Variants in ITPRID2 observed in about 807,000 individuals in gnomAD.
ITPRID2 encodes protein ITPRID2.
In ITPRID2, 60 loss-of-function variants were observed where a neutral mutation model predicts 124.3. That is an observed-to-expected ratio of 0.48 (90% CI 0.39 to 0.60). The LOEUF is 0.60. ITPRID2 is among the 20% of genes least tolerant of loss of function. ITPRID2 has a pLI of 0.00. For synonymous variants in ITPRID2, 521 were observed against 542.9 expected, an observed-to-expected ratio of 0.96 and a Z score of 0.56; for missense variants, 1,553 against 1,512.2, an observed-to-expected ratio of 1.03 and a Z score of -0.45.
intron 8 of ITPRID2, among the ~76,000 whole-genome samples, chr2:181,903,375 TA>T (rs762112018): frequency 1.1e-4 from 17 of 152,226 alleles, no homozygotes; most frequent in Non-Finnish European, 2.5e-4. Context: ...TTGTCTTTTG[TA>T]ATTTATTACA....
chr2:181,892,203 C>T lies in ITPRID2; in HGVS notation c.137C>T (p.Ala46Val). ...ASETEDLSTE[A>V]TTQDEEEDEE... is the part of the protein sequence containing the mutation. ...GAGACGGAGGATCTGTCCACAGAAG[C>T]GACGACGCAGGACGAGGAGGAGGAC... is the stretch of plus-strand genomic sequence containing the variant. Residue 46 changes from alanine to valine, a missense_variant, in exon 1 of 18, where the codon GCG becomes GTG. By Grantham distance (64) the Ala-to-Val change is moderately conservative. Transcript: ENST00000431877. The surrounding 1 kb of genome is among the most constrained non-coding windows in gnomAD (Gnocchi z 5.2). 1.3e-6 allele frequency: 2 copies of T among 1,552,554 alleles called. No homozygotes were observed. Among genetic ancestry groups the T allele is most frequent in the Middle Eastern group, 1.7e-4 (1 of 5,878 alleles).
intron 9 of ITPRID2, among the ~76,000 whole-genome samples, chr2:181,913,059 GTATT>G (rs1030449462): frequency 6.6e-6 from 1 of 151,586 alleles, no homozygotes; most frequent in Admixed American, 6.6e-5. Context: ...GGCCTTAATT[GTATT>G]TATTTATTTA....
At chr2:181,909,377 A>G (rs1693418716) in intron 8 of ITPRID2, among the ~76,000 whole-genome samples, 1 of 152,094 alleles carries the variant, frequency 6.6e-6, no homozygotes, top group Non-Finnish European at 1.5e-5. Context: ...AATTACCTCA[A>G]CTGTGTGTTG....
intron 15 of ITPRID2, 26 bp from the exon 16 acceptor site, chr2:181,921,922 G>T: frequency 1.3e-6 from 2 of 1,588,958 alleles, no homozygotes; most frequent in Non-Finnish European, 1.7e-6. Flanking sequence ...CAAGAGAGAA[G>T]AATAACATTT....
Position 181,922,333 on chromosome 2 carries a change from G to GA in ITPRID2, c.3600dup (p.Leu1201ThrfsTer8). ...AAATCTGAAGTGGAAGAAGGGCATG[G>GA]AAAACTCCCATCAATGCCAGCTGCT... On this transcript the variant is annotated frameshift_variant, in exon 16 of 18. Transcript: ENST00000431877. LOFTEE classifies it high-confidence loss of function. 1.2e-6 allele frequency: 2 copies of GA among 1,614,198 alleles called. No individual in the cohort carries two copies. The highest frequency in any genetic ancestry group is 1.7e-6 in the Non-Finnish European group (2 of 1,180,040).
chr2:181,901,669 T>C, intron 7 of ITPRID2, 97 bp from the exon 8 acceptor site: 2 of 846,224 alleles, frequency 2.4e-6, no homozygotes, highest in Non-Finnish European at 1.7e-6. Context: ...GTGATCTAAG[T>C]GTAGTTTTTG....
Position 181,902,299 on chromosome 2 carries a change from A to G in ITPRID2, c.1246A>G (p.Lys416Glu), listed in dbSNP as rs1692732464. Residue 416 changes from lysine to glutamate, a missense_variant, in exon 8 of 18, where the codon AAA becomes GAA. Physicochemically the swap from Lys to Glu is moderately conservative, Grantham distance 56. Transcript: ENST00000431877. This position sits in a 1 kb window ranked among gnomAD's most constrained non-coding sequence, Gnocchi z 4.4. ...LGEESGIVES[K>E]LDSDFNISSH... ...TGAGGAATCTGGTATTGTAGAATCC[A>G]AATTAGATAGTGATTTCAACATATC... 1 of 1,613,834 alleles carries G rather than the reference A, an allele frequency of 6.2e-7. No individual in the cohort carries two copies. The highest frequency in any genetic ancestry group is 1.7e-5 in the Admixed American group (1 of 59,958).
intron 8 of ITPRID2, among the ~76,000 whole-genome samples, chr2:181,908,003 G>T (rs1574246663): frequency 6.6e-6 from 1 of 152,176 alleles, no homozygotes; most frequent in East Asian, 1.9e-4. Flanking sequence ...GATGATATGT[G>T]TTTATTAAAG....
At position 181,915,312 on chromosome 2, in the gene ITPRID2, G is replaced by A. The variant is rs1693942258; in HGVS notation, c.1672G>A (p.Ala558Thr). 1 of 1,614,074 alleles carries A rather than the reference G, an allele frequency of 6.2e-7. No homozygotes were observed. Among genetic ancestry groups the A allele is most frequent in the Admixed American group, 1.7e-5 (1 of 60,006 alleles). Residue 558 changes from alanine to threonine, a missense_variant, in exon 11 of 18, where the codon GCA (alanine) becomes ACA (threonine). Transcript: ENST00000431877. ...TGGTGAAGACCTTGCCACACCAACA[G>A]CACAAGACCAGCCTTATTTTAATGA... ...SLGEDLATPT[A>T]QDQPYFNESE... is the part of the protein sequence containing the mutation.
At chr2:181,926,084 G>A (rs1051398930) in intron 16 of ITPRID2, among the ~76,000 whole-genome samples, 34 of 151,718 alleles carry the variant, frequency 2.2e-4, no homozygotes, top group African/African-American at 7.5e-4. Context: ...GACCAGCCTG[G>A]CCAACATGGT....
rs1239369525 is a variant in ITPRID2 at position 181,919,851 on chromosome 2, ACTTTTT to A, written c.3144+410_3144+415del. 6.6e-6 allele frequency among the ~76,000 whole-genome samples: 1 copy of A among 151,962 alleles called. No homozygotes were observed. The highest frequency in any genetic ancestry group is 1.5e-5 in the Non-Finnish European group (1 of 67,958). ...TTAAATAAAAAAGTGTTCCTTTTAA[ACTTTTT>A]CTTTATTTTGGATTCTTTTCCATTT... On this transcript the variant is annotated intron_variant, in intron 14 of 17. Transcript: ENST00000431877. This position sits in a 1 kb window ranked among gnomAD's most constrained non-coding sequence, Gnocchi z 4.2.
At chr2:181,900,588 A>G (rs1308320781) in intron 6 of ITPRID2, 108 bp from the exon 7 acceptor site, 1 of 813,466 alleles carries the variant, frequency 1.2e-6, no homozygotes, top group Non-Finnish European at 1.9e-6. Flanking sequence ...GCTGAGAAAA[A>G]AGATTTTATC....
At chr2:181,926,168 GC>G (rs1361549055) in intron 16 of ITPRID2, among the ~76,000 whole-genome samples, 8 of 152,086 alleles carry the variant, frequency 5.3e-5, no homozygotes, top group African/African-American at 1.9e-4. Context: ...GGAGGCTGAG[GC>G]AGGAGAATTA....
At position 181,901,891 on chromosome 2, in the gene ITPRID2, A is replaced by G. The variant is rs1187612774; in HGVS notation, c.838A>G (p.Thr280Ala). 9.3e-6 allele frequency: 15 copies of G among 1,613,810 alleles called. No homozygotes were observed. The highest frequency in any genetic ancestry group is 1.2e-5 in the Non-Finnish European group (14 of 1,179,900). ...GTCCTCAGTGACCTCTAACAAGGAG[A>G]CAGACCCACCTCCACCTTTAACTCG... Reference protein sequence around the residue: ...SMSSVTSNKETDPPPPLTRSN... With the variant: ...SMSSVTSNKEADPPPPLTRSN... The change falls in exon 8 of 18, where the codon ACA (threonine) becomes GCA (alanine). Residue 280 changes from threonine to alanine, a missense_variant. Thr to Ala is a moderately conservative substitution (Grantham distance 58). Coordinates refer to ENST00000431877, the MANE Select transcript of ITPRID2 (RefSeq NM_001130445.3).
At chr2:181,906,095 A>G (rs1693088456) in intron 8 of ITPRID2, among the ~76,000 whole-genome samples, 1 of 152,254 alleles carries the variant, frequency 6.6e-6, no homozygotes. Flanking sequence ...GTATTTGTTT[A>G]AGATAAACAT....
rs377525603 is a variant in ITPRID2 at position 181,920,550 on chromosome 2, A to G, written c.3145-47A>G. The G allele has an allele frequency of 1.4e-4, 190 of 1,317,668 alleles. No homozygotes were observed. In the African/African-American group the frequency reaches 2.5e-3, roughly 17 times the overall value. The allele number at this position is 1,317,668 out of a possible 1,614,324, so 81.6% of individuals were successfully genotyped here. On this transcript the variant is annotated intron_variant, in intron 14 of 17. Transcript: ENST00000431877. ...ATTATAATTATATATGCATGTATGT[A>G]TATATACACACACATATACATATAT...
chr2:181,923,291 G>A (rs749490815), intron 16 of ITPRID2, among the ~76,000 whole-genome samples: 27 of 152,164 alleles, frequency 1.8e-4, no homozygotes, highest in Non-Finnish European at 3.2e-4. Flanking sequence ...GGATTAAATT[G>A]TACATAAGCA....
At chr2:181,926,663 A>C (rs1037697306) in intron 16 of ITPRID2, among the ~76,000 whole-genome samples, 7 of 149,898 alleles carry the variant, frequency 4.7e-5, no homozygotes, top group Non-Finnish European at 1.0e-4. Flanking sequence ...CAGTGAGCCG[A>C]TATTGTACCG....
rs1695180248 is a variant in ITPRID2, at chr2:181,930,232, A to G, written c.*685A>G. 2 of 152,582 alleles carry G rather than the reference A, an allele frequency of 1.3e-5. No individual in the cohort carries two copies. Among genetic ancestry groups the G allele is most frequent in the East Asian group, 3.8e-4 (2 of 5,196 alleles). 9.5% of individuals were successfully genotyped at this position (152,582 alleles called of 1,614,324 possible). A position where few individuals can be genotyped will look rare whatever the true frequency, so the allele number is the denominator to read the frequency against. On this transcript the variant is annotated 3_prime_UTR_variant, in exon 18 of 18. Transcript: ENST00000431877. ...ATGTGCCTTATGTTAAACACTATGT[A>G]CTTTTACTTTTTGCATTGTCCAGAC...
Sources: gnomAD v4.1 joint callset for allele counts (sites outside exome capture counted in the v4.1 genomes callset) on GRCh38, gnomAD v4.1.1 for gene constraint, Gnocchi (gnomAD v3.1) non-coding constraint, MANE v1.5 for transcripts, NCBI Gene and HGNC (gene_info 2026-07-23, HGNC 2026-07-21) for gene names.